TBC1D9B: variants seen among roughly 807,000 people sequenced by gnomAD.
The protein encoded by TBC1D9B is TBC1 domain family, member 9B (with GRAM domain).
TBC1D9B carries 87 observed loss-of-function variants against 121.1 expected under a neutral mutation model. The observed-to-expected ratio is 0.72, with a 90% CI of 0.60 to 0.86. The LOEUF (loss-of-function observed/expected upper bound fraction) is 0.86, where lower values mean the gene tolerates loss of function less well. Among genes scored for constraint, TBC1D9B ranks in the 40% least tolerant of loss-of-function variants. The pLI, the probability that TBC1D9B is intolerant of heterozygous loss-of-function variation, is 0.00. For synonymous variants in TBC1D9B, 668 were observed against 670.1 expected (o/e 1.00, Z 0.05); for missense variants, 1,540 against 1,628.6 (o/e 0.95, Z 0.94).
chr5:179,871,662 AGGGC>A, intron 14 of TBC1D9B, 132 bp from the exon 15 acceptor site: 1 of 914,376 alleles, frequency 1.1e-6, no homozygotes, highest in East Asian at 2.7e-5. Flanking sequence ...CCAGCACTCA[AGGGC>A]GGACCCTTCG....
At chr5:179,906,718 T>G (rs1400614437) in intron 1 of TBC1D9B, among the ~76,000 whole-genome samples, 1 of 152,132 alleles carries the variant, frequency 6.6e-6, no homozygotes, top group African/African-American at 2.4e-5. Flanking sequence ...AACAGAACAG[T>G]CTCTTCCACA....
intron 2 of TBC1D9B, among the ~76,000 whole-genome samples, chr5:179,903,296 C>A (rs891956711): frequency 6.8e-6 from 1 of 146,060 alleles, no homozygotes; most frequent in Admixed American, 6.7e-5. Flanking sequence ...GTGGTTCAGG[C>A]AAGTGCCTGG....
intron 4 of TBC1D9B, 34 bp downstream of exon 4, chr5:179,894,352 G>A: frequency 6.4e-7 from 1 of 1,573,116 alleles, no homozygotes. Context: ...GGCTGAGGGT[G>A]TGGGGGCTGG....
chr5:179,904,814 T>C lies in TBC1D9B; in HGVS notation c.119-2A>G. Reference sequence around the variant, plus strand: ...CGTCCAGGGTGCCCACGAGAAGACCTGGGAACAGGGCAGAGAGACATAGAG... The same window carrying C: ...CGTCCAGGGTGCCCACGAGAAGACCCGGGAACAGGGCAGAGAGACATAGAG... On this transcript the variant is annotated splice_acceptor_variant, in intron 1 of 20. Coordinates refer to ENST00000355235, the MANE Select transcript of TBC1D9B (RefSeq NM_015043.4). LOFTEE classifies it high-confidence loss of function. This position sits in a 1 kb window ranked among gnomAD's most constrained non-coding sequence, Gnocchi z 4.2. 6.4e-7 allele frequency: 1 copy of C among 1,555,732 alleles called. No homozygotes were observed. The highest frequency in any genetic ancestry group is 2.4e-5 in the East Asian group (1 of 41,576).
chr5:179,867,923 C>T (rs1261606244), intron 17 of TBC1D9B, 74 bp from the exon 18 acceptor site: 16 of 1,416,750 alleles, frequency 1.1e-5, no homozygotes, highest in Non-Finnish European at 1.5e-5. Flanking sequence ...TCCCTCCAGC[C>T]CTGGGCAGAG....
chr5:179,904,668 C>CT lies in TBC1D9B; in HGVS notation c.229+33dup. 1 of 1,539,450 alleles carries CT rather than the reference C, an allele frequency of 6.5e-7. No individual in the cohort carries two copies. ...GGCAACGGCCCTTCCAGGGCAGGCC[C>CT]TGCCCAGCACCCCTCACCACTCAGG... On this transcript the variant is annotated intron_variant, in intron 2 of 20. Transcript: ENST00000355235. This position sits in a 1 kb window ranked among gnomAD's most constrained non-coding sequence, Gnocchi z 4.2.
Position 179,907,619 on chromosome 5 carries a change from A to C in TBC1D9B, c.118+85T>G. On this transcript the variant is annotated intron_variant, in intron 1 of 20. Transcript: ENST00000355235. The surrounding 1 kb of genome is among the most constrained non-coding windows in gnomAD (Gnocchi z 5.3). ...CGCGACGCGCCGAGGCCGGGCCGGA[A>C]CCGGACCCGCCCGCCGCCCGCCGCC... 1.4e-6 allele frequency: 1 copy of C among 736,200 alleles called. No individual in the cohort carries two copies. The highest frequency in any genetic ancestry group is 1.7e-6 in the Non-Finnish European group (1 of 605,548). 45.6% of individuals were successfully genotyped at this position (736,200 alleles called of 1,614,324 possible).
chr5:179,892,559 G>A (rs1226705390), intron 5 of TBC1D9B, among the ~76,000 whole-genome samples: 1 of 152,250 alleles, frequency 6.6e-6, no homozygotes, highest in Non-Finnish European at 1.5e-5. Context: ...CGGGAGGGCT[G>A]GCTGCTATGA....
intron 8 of TBC1D9B, 90 bp from the exon 9 acceptor site, chr5:179,879,287 A>G: frequency 6.6e-7 from 1 of 1,504,134 alleles, no homozygotes. Context: ...TGAACACTCC[A>G]GACAGTGCTG....
Position 179,879,237 on chromosome 5 carries a change from G to A in TBC1D9B, c.1417-40C>T, listed in dbSNP as rs116542040. 1,572 of 1,578,330 alleles carry A rather than the reference G, an allele frequency of 1.0e-3. 14 individuals carry two copies. The African/African-American group carries it at 0.018, about 18-fold the overall frequency. On this transcript the variant is annotated intron_variant, in intron 8 of 20. Coordinates refer to ENST00000355235, the MANE Select transcript of TBC1D9B (RefSeq NM_015043.4). The stretch of plus-strand genomic sequence containing the variant: ...CATCAGGGAGCCTGGGGGCCGAAGC[G>A]CATCTGAGTGCCGAGGCCTAGGCCA...
Position 179,862,897 on chromosome 5 carries a change from G to A in TBC1D9B, c.*551C>T, listed in dbSNP as rs569353445. ...AGCACGTGTACAGCCACGCCTGTGC[G>A]CAGCGCCCACTCTGTGCAATAAACA... is the stretch of plus-strand genomic sequence containing the variant. On this transcript the variant is annotated 3_prime_UTR_variant, in exon 21 of 21. Transcript: ENST00000355235. The A allele has an allele frequency of 5.7e-5, 17 of 297,014 alleles. No individual in the cohort carries two copies. Among genetic ancestry groups the A allele is most frequent in the South Asian group, 1.2e-4 (4 of 33,792 alleles). The allele number at this position is 297,014 out of a possible 1,614,324, so 18.4% of individuals were successfully genotyped here. A position where few individuals can be genotyped will look rare whatever the true frequency, so the allele number is the denominator to read the frequency against.
intron 3 of TBC1D9B, among the ~76,000 whole-genome samples, chr5:179,896,846 G>C (rs1053459803): frequency 6.6e-6 from 1 of 152,084 alleles, no homozygotes; most frequent in Non-Finnish European, 1.5e-5. Context: ...AATTCTTAAA[G>C]GTACTGGTTT....
At position 179,870,354 on chromosome 5, in the gene TBC1D9B, A is replaced by G; in HGVS notation, c.2626T>C (p.Cys876Arg). 6.2e-7 allele frequency: 1 copy of G among 1,613,904 alleles called. No individual in the cohort carries two copies. The highest frequency in any genetic ancestry group is 8.5e-7 in the Non-Finnish European group (1 of 1,180,034). Residue 876 changes from cysteine to arginine, a missense_variant, in exon 16 of 21, where the codon TGT (cysteine) becomes CGT (arginine). Transcript: ENST00000355235. The stretch of plus-strand genomic sequence containing the variant: ...GCCAGCAGAGGTGTGTGGGAGCCAC[A>G]GGCCCAGGGTGTCAGGCTGGCAAAG... ...ELFASLTPWACGSHTPLLAGR... is the reference protein window; with the variant it reads ...ELFASLTPWARGSHTPLLAGR...
Position 179,879,631 on chromosome 5 carries a change from C to T in TBC1D9B, c.1413G>A (p.Lys471=). 6.2e-7 allele frequency: 1 copy of T among 1,613,926 alleles called. No homozygotes were observed. The highest frequency in any genetic ancestry group is 8.5e-7 in the Non-Finnish European group (1 of 1,179,896). Residue 471 remains lysine (K), a synonymous_variant, in exon 8 of 21, where the codon AAG becomes AAA. Transcript: ENST00000355235. ...AGTGCCGGCGCTCAGGGCTCACCCC[C>T]TTGGCTCCAAGGTCCTCCATGGGCG... ...KNSPMEDLGA[K]GAKEKMKEES...
chr5:179,865,956 T>C lies in TBC1D9B; in HGVS notation c.2864-68A>G, dbSNP rs1759994398. ...CTGTTGGGACTGCAAGCTCCTGGGGTCCTTGAGATGTAGTCTGTGTTTCTG... is the reference window on the plus strand; with the variant it reads ...CTGTTGGGACTGCAAGCTCCTGGGGCCCTTGAGATGTAGTCTGTGTTTCTG... On this transcript the variant is annotated intron_variant, in intron 18 of 20. Transcript: ENST00000355235. The surrounding 1 kb of genome is among the most constrained non-coding windows in gnomAD (Gnocchi z 5.1). 1 of 1,586,522 alleles carries C rather than the reference T, an allele frequency of 6.3e-7. No individual in the cohort carries two copies. Among genetic ancestry groups the C allele is most frequent in the East Asian group, 2.2e-5 (1 of 44,652 alleles).
chr5:179,888,229 C>T lies in TBC1D9B; in HGVS notation c.1128G>A (p.Leu376=). 1.2e-6 allele frequency: 2 copies of T among 1,611,688 alleles called. No individual in the cohort carries two copies. The highest frequency in any genetic ancestry group is 1.7e-6 in the Non-Finnish European group (2 of 1,179,218). ...SISTKSKMTF[L]FANLKDRDFL... ...AATCACGGTCTTTCAGGTTGGCAAA[C>T]AGGAATGTCATTTTGCTTTTGGTGC... The change falls in exon 7 of 21, where the codon CTG becomes CTA. Residue 376 remains leucine, a synonymous_variant. Coordinates refer to ENST00000355235, the MANE Select transcript of TBC1D9B (RefSeq NM_015043.4).
chr5:179,904,187 C>T lies in TBC1D9B; in HGVS notation c.229+515G>A, dbSNP rs1441164917. ...ACATGGGGATCCATGGGGCTGTCCT[C>T]TCCTGCCCTGTCCCCATGACCAGTG... On this transcript the variant is annotated intron_variant, in intron 2 of 20. Transcript: ENST00000355235. This position sits in a 1 kb window ranked among gnomAD's most constrained non-coding sequence, Gnocchi z 4.2. Among the ~76,000 whole-genome samples, 1 of 151,064 alleles carries T rather than the reference C, an allele frequency of 6.6e-6. No individual in the cohort carries two copies. Among genetic ancestry groups the T allele is most frequent in the Admixed American group, 6.6e-5 (1 of 15,192 alleles).
intron 7 of TBC1D9B, chr5:179,887,850 G>T: frequency 1.8e-6 from 1 of 558,380 alleles, no homozygotes. Flanking sequence ...GACAGCCAGA[G>T]AAGGTTCCTC....
At chr5:179,870,760 G>A in intron 15 of TBC1D9B, 1 of 491,004 alleles carries the variant, frequency 2.0e-6, no homozygotes, top group Non-Finnish European at 3.6e-6. Flanking sequence ...CCCAGAGAAG[G>A]GCTGAGCCTT....
Sources: allele counts gnomAD v4.1 joint callset (sites outside exome capture counted in the v4.1 genomes callset), GRCh38; gene constraint gnomAD v4.1.1; non-coding constraint Gnocchi (gnomAD v3.1); transcripts MANE v1.5; gene names NCBI Gene and HGNC (gene_info 2026-07-23, HGNC 2026-07-21).